Variants in SYT1 observed in about 807,000 individuals in gnomAD.
SYT1 encodes the protein synaptotagmin-1.
In SYT1, 8 loss-of-function variants were observed where a neutral mutation model predicts 44.8. The observed-to-expected ratio is 0.18, with a 90% CI of 0.10 to 0.32. The LOEUF (loss-of-function observed/expected upper bound fraction) is 0.32, where lower values mean the gene tolerates loss of function less well. Ranked by LOEUF, SYT1 falls within the 10% of genes least tolerant of loss-of-function variation. The pLI is 1.00. For missense variants in SYT1, 286 were observed against 509.3 expected (o/e 0.56, Z 4.22); for synonymous variants, 154 against 188.8 (o/e 0.82, Z 1.51).
At chr12:79,089,262 T>A (rs1042821440) in intron 3 of SYT1, among the ~76,000 whole-genome samples, 1 of 151,964 alleles carries the variant, frequency 6.6e-6, no homozygotes, top group African/African-American at 2.4e-5. Flanking sequence ...AAGGCTAAAG[T>A]GGACAATTTG....
chr12:78,962,096 T>A (rs963212844), intron 1 of SYT1, among the ~76,000 whole-genome samples: 10 of 152,152 alleles, frequency 6.6e-5, no homozygotes, highest in African/African-American at 2.4e-4. Context: ...TTGGTTTGGT[T>A]TGAGTTTAGG....
intron 1 of SYT1, among the ~76,000 whole-genome samples, chr12:78,923,356 A>G (rs1262963991): frequency 6.6e-6 from 1 of 151,870 alleles, no homozygotes; most frequent in African/African-American, 2.4e-5. Context: ...CTTTATTGGC[A>G]TGTGTTACAG....
At chr12:79,056,320 G>C (rs1874939982) in intron 3 of SYT1, among the ~76,000 whole-genome samples, 1 of 152,042 alleles carries the variant, frequency 6.6e-6, no homozygotes, top group South Asian at 2.1e-4. Flanking sequence ...TGATAGAGTA[G>C]GATGCAGGCT....
chr12:79,045,370 A>G (rs1238117177), intron 2 of SYT1, among the ~76,000 whole-genome samples: 1 of 152,122 alleles, frequency 6.6e-6, no homozygotes, highest in Non-Finnish European at 1.5e-5. Context: ...TTCGGGAGGG[A>G]GTGACCCGAT....
intron 9 of SYT1, among the ~76,000 whole-genome samples, chr12:79,439,736 G>A (rs1430080418): frequency 6.6e-6 from 1 of 152,048 alleles, no homozygotes; most frequent in Non-Finnish European, 1.5e-5. Flanking sequence ...ACAGTTGAGG[G>A]AGTTATGCCA....
rs1872495989 is a variant in SYT1 at position 79,025,821 on chromosome 12, A to C, written c.-83-21476A>C. On this transcript the variant is annotated intron_variant, in intron 2 of 10. Coordinates refer to ENST00000261205, the MANE Select transcript of SYT1 (RefSeq NM_005639.3). ...CTAGAGCTTTTTTAAAAAATACCAG[A>C]CATTGTAACTGTATAAGTGACCTTT... Among the ~76,000 whole-genome samples the C allele has an allele frequency of 4.0e-5, 6 of 151,700 alleles. No homozygotes were observed. The South Asian group carries it at 1.2e-3, about 31-fold the overall frequency.
intron 2 of SYT1, among the ~76,000 whole-genome samples, chr12:79,043,725 T>C (rs185909701): frequency 6.6e-6 from 1 of 152,204 alleles, no homozygotes; most frequent in Non-Finnish European, 1.5e-5. Flanking sequence ...CTAGTCTCCA[T>C]GGTCTTTACA....
At chr12:79,261,703 T>A (rs946131212) in intron 4 of SYT1, among the ~76,000 whole-genome samples, 2 of 152,200 alleles carry the variant, frequency 1.3e-5, no homozygotes, top group African/African-American at 4.8e-5. Flanking sequence ...TTAAATCTCA[T>A]CTGTGTGCCA....
chr12:79,225,856 C>T (rs1292645954), intron 4 of SYT1, among the ~76,000 whole-genome samples: 1 of 152,192 alleles, frequency 6.6e-6, no homozygotes, highest in African/African-American at 2.4e-5. Flanking sequence ...GCAATCCATT[C>T]ATCTCACCCC....
At chr12:79,039,785 A>G (rs1169817816) in intron 2 of SYT1, among the ~76,000 whole-genome samples, 3 of 88,526 alleles carry the variant, frequency 3.4e-5, no homozygotes, top group African/African-American at 4.4e-5. Context: ...CCCCCACCCA[A>G]CAACAGTCCC....
chr12:79,278,671 A>T (rs1036318947), intron 4 of SYT1, among the ~76,000 whole-genome samples: 1 of 152,004 alleles, frequency 6.6e-6, no homozygotes, highest in African/African-American at 2.4e-5. Flanking sequence ...GAGCAGAACT[A>T]AATGAAATTG....
rs192657363 is a variant in SYT1, at chr12:79,022,810, T to C, written c.-83-24487T>C. ...CTGATACAAAAAACATTTTGAGAACTGTGCTAAATTAAGCTTCTTTACTGA... is the reference window on the plus strand; with the variant it reads ...CTGATACAAAAAACATTTTGAGAACCGTGCTAAATTAAGCTTCTTTACTGA... On this transcript the variant is annotated intron_variant, in intron 2 of 10. Coordinates refer to ENST00000261205, the MANE Select transcript of SYT1 (RefSeq NM_005639.3). Among the ~76,000 whole-genome samples the C allele has an allele frequency of 1.2e-3, 177 of 151,874 alleles. 1 individual carries two copies. Among genetic ancestry groups the C allele is most frequent in the Non-Finnish European group, 1.9e-3 (132 of 67,856 alleles).
At chr12:79,240,516 T>C (rs1351931196) in intron 4 of SYT1, among the ~76,000 whole-genome samples, 2 of 152,218 alleles carry the variant, frequency 1.3e-5, no homozygotes, top group Admixed American at 1.3e-4. Context: ...CTATTAATTA[T>C]TCTCAGTCTA....
intron 6 of SYT1, among the ~76,000 whole-genome samples, chr12:79,293,482 C>G (rs1006024018): frequency 6.6e-6 from 1 of 152,064 alleles, no homozygotes; most frequent in Non-Finnish European, 1.5e-5. Context: ...TTTTGCTTCT[C>G]TCATCTTTTT....
At chr12:79,104,157 T>A (rs1231421514) in intron 3 of SYT1, among the ~76,000 whole-genome samples, 1 of 149,380 alleles carries the variant, frequency 6.7e-6, no homozygotes, top group Non-Finnish European at 1.5e-5. Flanking sequence ...TGGAGTCAAT[T>A]TTTTTTTTTT....
At chr12:79,046,506 A>G (rs907785343) in intron 2 of SYT1, 1 of 152,154 alleles carries the variant, frequency 6.6e-6, no homozygotes, top group African/African-American at 2.4e-5. Flanking sequence ...AACATGTCAA[A>G]CCAAATCAGA....
chr12:79,398,664 A>G (rs1348758984), intron 9 of SYT1, among the ~76,000 whole-genome samples: 1 of 152,212 alleles, frequency 6.6e-6, no homozygotes, highest in Non-Finnish European at 1.5e-5. Context: ...ACAAATCAAC[A>G]TATATAAAAT....
At chr12:79,225,797 T>G (rs922755797) in intron 4 of SYT1, among the ~76,000 whole-genome samples, 4 of 152,188 alleles carry the variant, frequency 2.6e-5, no homozygotes, top group Non-Finnish European at 5.9e-5. Flanking sequence ...CCATTTCCTT[T>G]TGGTCTTTGC....
At chr12:79,048,605 A>G (rs1210883011) in intron 3 of SYT1, among the ~76,000 whole-genome samples, 1 of 151,960 alleles carries the variant, frequency 6.6e-6, no homozygotes, top group East Asian at 1.9e-4. Flanking sequence ...ACAGAAATCT[A>G]TAAAATTTAT....
Sources: allele counts gnomAD v4.1 joint callset (sites outside exome capture counted in the v4.1 genomes callset), GRCh38; gene constraint gnomAD v4.1.1; transcripts MANE v1.5; gene names NCBI Gene and HGNC (gene_info 2026-07-23, HGNC 2026-07-21).